The following EIF4G3 variants were observed in gnomAD, a reference collection of about 807,000 sequenced individuals.
EIF4G3 encodes the protein eukaryotic translation initiation factor 4 gamma 3.
EIF4G3 carries 34 observed loss-of-function variants against 186.4 expected under a neutral mutation model. The ratio of observed to expected loss-of-function variants is 0.18; its 90% CI spans 0.14 to 0.24. The LOEUF (loss-of-function observed/expected upper bound fraction) is 0.24. EIF4G3 is among the 10% of genes least tolerant of loss of function. The pLI, the probability that EIF4G3 is intolerant of heterozygous loss-of-function variation, is 1.00. For synonymous variants in EIF4G3, 673 were observed against 679.5 expected, an observed-to-expected ratio of 0.99 and a Z score of 0.15; for missense variants, 1,536 against 1,948.5, an observed-to-expected ratio of 0.79 and a Z score of 3.99.
chr1:21,015,753 AAAG>A (rs1450389999), intron 4 of EIF4G3, among the ~76,000 whole-genome samples: 8 of 68,356 alleles, frequency 1.2e-4, no homozygotes, highest in South Asian at 7.6e-4. Flanking sequence ...TGCTGAAAGG[AAAG>A]AAAAAAAAAA....
At chr1:20,971,133 G>GT (rs1042551586) in intron 11 of EIF4G3, among the ~76,000 whole-genome samples, 3 of 152,176 alleles carry the variant, frequency 2.0e-5, no homozygotes, top group African/African-American at 7.2e-5. Context: ...TGTAAAGGAG[G>GT]TAAGTGTCTG....
At chr1:21,095,324 C>T (rs1016507556) in intron 2 of EIF4G3, among the ~76,000 whole-genome samples, 4 of 152,238 alleles carry the variant, frequency 2.6e-5, no homozygotes, top group African/African-American at 7.2e-5. Flanking sequence ...CTGGAACGTA[C>T]ACAACTAGAA....
At chr1:21,150,866 C>T (rs1044602992) in intron 2 of EIF4G3, among the ~76,000 whole-genome samples, 3 of 152,144 alleles carry the variant, frequency 2.0e-5, no homozygotes, top group Admixed American at 2.0e-4. Flanking sequence ...ATCCCAGCTA[C>T]TCGGGAGGCT....
At chr1:20,960,034 T>C (rs1287588418) in intron 12 of EIF4G3, among the ~76,000 whole-genome samples, 3 of 151,728 alleles carry the variant, frequency 2.0e-5, no homozygotes, top group Non-Finnish European at 2.9e-5. Context: ...GCAACCCCAC[T>C]ACTGGGTATC....
chr1:21,008,410 C>T (rs1179897371), intron 4 of EIF4G3, among the ~76,000 whole-genome samples: 2 of 152,026 alleles, frequency 1.3e-5, no homozygotes, highest in Admixed American at 6.6e-5. Context: ...AATCTTGGCT[C>T]ACTGCAACCT....
intron 14 of EIF4G3, among the ~76,000 whole-genome samples, chr1:20,931,046 T>C (rs950141515): frequency 2.0e-5 from 3 of 151,732 alleles, no homozygotes; most frequent in Non-Finnish European, 4.4e-5. Context: ...TTATTTTGGC[T>C]ATTTGGTGGA....
chr1:20,866,218 T>C (rs1229374051), intron 20 of EIF4G3, among the ~76,000 whole-genome samples: 1 of 152,196 alleles, frequency 6.6e-6, no homozygotes, highest in Non-Finnish European at 1.5e-5. Context: ...AAATAATTAA[T>C]GTTATCAACC....
At chr1:21,095,729 T>C (rs929764605) in intron 2 of EIF4G3, among the ~76,000 whole-genome samples, 7 of 152,164 alleles carry the variant, frequency 4.6e-5, no homozygotes, top group African/African-American at 2.4e-5. Flanking sequence ...ATATTGCCAA[T>C]TGATTTCCTG....
chr1:21,003,274 C>T (rs2084085650), intron 4 of EIF4G3, among the ~76,000 whole-genome samples: 1 of 151,116 alleles, frequency 6.6e-6, no homozygotes. Context: ...TCCCAAAGCA[C>T]CTGAACAACT....
At chr1:20,914,863 T>A (rs767624296) in intron 14 of EIF4G3, among the ~76,000 whole-genome samples, 10 of 152,238 alleles carry the variant, frequency 6.6e-5, no homozygotes, top group African/African-American at 9.6e-5. Flanking sequence ...TCTTGGTAAA[T>A]CTTCAATTTG....
chr1:20,873,158 T>C (rs1194581896), intron 20 of EIF4G3, among the ~76,000 whole-genome samples: 1 of 152,246 alleles, frequency 6.6e-6, no homozygotes, highest in Non-Finnish European at 1.5e-5. Flanking sequence ...AGTATCTTTT[T>C]GGGTCTGCCC....
intron 14 of EIF4G3, chr1:20,941,136 C>A: frequency 1.6e-6 from 2 of 1,280,634 alleles, no homozygotes; most frequent in Non-Finnish European, 2.1e-6. Flanking sequence ...GACTATAGAC[C>A]ATCCTGGTTT....
intron 4 of EIF4G3, chr1:21,003,633 A>C (rs914764390): frequency 5.9e-6 from 2 of 341,336 alleles, no homozygotes; most frequent in Non-Finnish European, 1.1e-5. Context: ...CAGTACAATG[A>C]AACAAAACTG....
intron 13 of EIF4G3, among the ~76,000 whole-genome samples, chr1:20,949,249 T>C (rs1177596402): frequency 6.6e-6 from 1 of 152,208 alleles, no homozygotes; most frequent in Non-Finnish European, 1.5e-5. Context: ...TATCCCACTT[T>C]CTGGTATTAG....
chr1:21,072,275 G>A (rs749245173), intron 3 of EIF4G3, among the ~76,000 whole-genome samples: 115 of 152,288 alleles, frequency 7.6e-4, no homozygotes, highest in Non-Finnish European at 9.1e-4. Context: ...GGCTCATGCC[G>A]GTAATCCCAA....
intron 4 of EIF4G3, among the ~76,000 whole-genome samples, chr1:21,005,778 T>C (rs1235629604): frequency 6.6e-6 from 1 of 152,166 alleles, no homozygotes; most frequent in Non-Finnish European, 1.5e-5. Flanking sequence ...GATTATATCA[T>C]TGCTCTGAAA....
intron 7 of EIF4G3, among the ~76,000 whole-genome samples, chr1:20,984,133 AC>A (rs2078892211): frequency 6.6e-6 from 1 of 152,124 alleles, no homozygotes; most frequent in Non-Finnish European, 1.5e-5. Flanking sequence ...AAAAAAAGCC[AC>A]TAAATATGTA....
At chr1:21,116,482 C>A (rs1463540807) in intron 2 of EIF4G3, among the ~76,000 whole-genome samples, 1 of 151,924 alleles carries the variant, frequency 6.6e-6, no homozygotes, top group Non-Finnish European at 1.5e-5. Flanking sequence ...ATAAAATAAC[C>A]ATAAATAAGA....
chr1:21,135,712 T>C (rs529578601), intron 2 of EIF4G3, among the ~76,000 whole-genome samples: 118 of 152,284 alleles, frequency 7.7e-4, no homozygotes, highest in African/African-American at 2.6e-3. Context: ...AACTCCCAAT[T>C]TGTAGAATAA....
Sources: gnomAD v4.1 joint callset for allele counts (sites outside exome capture counted in the v4.1 genomes callset) on GRCh38, gnomAD v4.1.1 for gene constraint, MANE v1.5 for transcripts, NCBI Gene and HGNC (gene_info 2026-07-23, HGNC 2026-07-21) for gene names.